The following WDR7 variants were observed in gnomAD, a reference collection of about 807,000 sequenced individuals.
WDR7 encodes WD repeat domain 7, also known as WD repeat-containing protein 7.
WDR7 carries 46 observed loss-of-function variants against 169.4 expected under a neutral mutation model. The observed-to-expected ratio is 0.27, with a 90% CI of 0.21 to 0.35. The LOEUF (loss-of-function observed/expected upper bound fraction) is 0.35, where lower values mean the gene tolerates loss of function less well. Among genes scored for constraint, WDR7 ranks in the 10% least tolerant of loss-of-function variants. WDR7 has a pLI of 1.00. For missense variants in WDR7, 1,534 were observed against 1,859.3 expected (o/e 0.83, Z 3.22); for synonymous variants, 612 against 666.8 (o/e 0.92, Z 1.27).
chr18:56,671,932 A>G (rs1193661316), intron 1 of WDR7, among the ~76,000 whole-genome samples: 1 of 152,218 alleles, frequency 6.6e-6, no homozygotes, highest in Non-Finnish European at 1.5e-5. Context: ...GTAGTGGTAC[A>G]GTACAGTCTG....
chr18:56,726,212 G>A (rs1002891710), intron 13 of WDR7, among the ~76,000 whole-genome samples: 3 of 152,128 alleles, frequency 2.0e-5, no homozygotes, highest in African/African-American at 7.2e-5. Flanking sequence ...GCTTGATGGG[G>A]ATGGCATTGA....
intron 19 of WDR7, among the ~76,000 whole-genome samples, chr18:56,792,497 C>T (rs752547161): frequency 1.5e-4 from 23 of 151,788 alleles, no homozygotes; most frequent in Non-Finnish European, 2.4e-4. Context: ...AGGAGGGGAG[C>T]GAATAAATCC....
intron 19 of WDR7, among the ~76,000 whole-genome samples, chr18:56,798,918 C>G: frequency 6.6e-6 from 1 of 152,146 alleles, no homozygotes; most frequent in Admixed American, 6.5e-5. Context: ...AGTAAATGTC[C>G]TGATCAATGT....
intron 18 of WDR7, among the ~76,000 whole-genome samples, chr18:56,780,294 A>G (rs73958317): frequency 0.038 from 5,816 of 152,282 alleles, 373 homozygotes; most frequent in African/African-American, 0.13. Context: ...TTCGACCTGT[A>G]TAGCCATAGC....
intron 19 of WDR7, among the ~76,000 whole-genome samples, chr18:56,803,109 ACTT>A (rs1202204199): frequency 1.3e-5 from 2 of 152,122 alleles, no homozygotes; most frequent in African/African-American, 4.8e-5. Flanking sequence ...CATATATAAC[ACTT>A]CTTATGAGTT....
chr18:56,765,196 A>G (rs888349022), intron 16 of WDR7, among the ~76,000 whole-genome samples: 1 of 151,914 alleles, frequency 6.6e-6, no homozygotes. Flanking sequence ...ATCCAATCTG[A>G]CCTGCTTTTT....
intron 21 of WDR7, among the ~76,000 whole-genome samples, chr18:56,888,164 G>A (rs558913037): frequency 6.6e-6 from 1 of 152,168 alleles, no homozygotes; most frequent in Non-Finnish European, 1.5e-5. Flanking sequence ...ACATTGATGG[G>A]AGGAAGGAAT....
rs58249903 is a variant in WDR7, at chr18:57,024,742, A to G, written c.4270-2262A>G. 2.0e-3 allele frequency among the ~76,000 whole-genome samples: 239 copies of G among 117,972 alleles called. 13 individuals carry two copies. Among genetic ancestry groups the G allele is most frequent in the Middle Eastern group, 4.0e-3 (1 of 250 alleles). 77.4% of individuals were successfully genotyped at this position (117,972 alleles called of 152,430 possible). On this transcript the variant is annotated intron_variant, in intron 27 of 27. Coordinates refer to ENST00000254442, the MANE Select transcript of WDR7 (RefSeq NM_015285.3). ...GGATTTCACATATCCCTATTCTCAG[A>G]CAGGAATAGGGATATGTGAGCTATG... is the stretch of plus-strand genomic sequence containing the variant.
intron 26 of WDR7, among the ~76,000 whole-genome samples, chr18:56,990,683 AAATGTTT>A (rs1162567892): frequency 6.6e-6 from 1 of 152,204 alleles, no homozygotes; most frequent in Non-Finnish European, 1.5e-5. Context: ...GAGTTGATGT[AAATGTTT>A]ATATTACTAA....
At chr18:56,711,013 ATTTTAGTTTTTT>A in intron 12 of WDR7, among the ~76,000 whole-genome samples, 1 of 150,540 alleles carries the variant, frequency 6.6e-6, no homozygotes, top group East Asian at 2.0e-4. Context: ...TTCTAAAAGG[ATTTTAGTTTTTT>A]TTTTTAAAAG....
Position 56,916,338 on chromosome 18 carries a change from A to G in WDR7, c.3527-7584A>G, listed in dbSNP as rs568598911. Among the ~76,000 whole-genome samples the G allele has an allele frequency of 4.0e-5, 6 of 148,882 alleles. No individual in the cohort carries two copies. In the South Asian group the frequency reaches 6.4e-4, roughly 16 times the overall value. ...TGTGTCCAAGTGTTCTCATTGTTCA[A>G]TTCCCACCTATGAGTGAGAACATGC... On this transcript the variant is annotated intron_variant, in intron 21 of 27. Transcript: ENST00000254442.
intron 2 of WDR7, among the ~76,000 whole-genome samples, chr18:56,675,022 T>C (rs541526747): frequency 4.6e-5 from 7 of 152,370 alleles, no homozygotes; most frequent in Non-Finnish European, 7.4e-5. Flanking sequence ...TTCTATTTTA[T>C]GGTTCTTTGT....
At chr18:56,778,021 T>C (rs949371861) in intron 17 of WDR7, among the ~76,000 whole-genome samples, 2 of 152,218 alleles carry the variant, frequency 1.3e-5, no homozygotes, top group Non-Finnish European at 2.9e-5. Flanking sequence ...TTTATACTTA[T>C]ATGAAACATT....
chr18:56,668,510 G>A (rs913362051), intron 1 of WDR7, among the ~76,000 whole-genome samples: 1 of 152,116 alleles, frequency 6.6e-6, no homozygotes, highest in Admixed American at 6.6e-5. Context: ...AGCCCCACTG[G>A]ATAGCTGAAT....
Position 56,776,858 on chromosome 18 carries a change from T to A in WDR7, c.2925T>A (p.His975Gln), listed in dbSNP as rs1248512676. The change falls in exon 17 of 28, where the codon CAT (histidine) becomes CAA (glutamine). Residue 975 changes from histidine to glutamine, a missense_variant. Physicochemically the swap from His to Gln is conservative, Grantham distance 24. Coordinates refer to ENST00000254442, the MANE Select transcript of WDR7 (RefSeq NM_015285.3). ...GSDPPSAPAL[H>Q]TCFLVNEGWS... is the part of the protein sequence containing the mutation. Reference sequence around the variant, plus strand: ...ACCCTCCTTCTGCTCCTGCTTTACATACCTGTTTCTTAGTAAATGAAGGTA... The same window carrying A: ...ACCCTCCTTCTGCTCCTGCTTTACAAACCTGTTTCTTAGTAAATGAAGGTA... 6 of 1,613,808 alleles carry A rather than the reference T, an allele frequency of 3.7e-6. No homozygotes were observed. In the East Asian group the frequency reaches 1.1e-4, roughly 30 times the overall value.
intron 12 of WDR7, among the ~76,000 whole-genome samples, chr18:56,702,974 C>A (rs1237281228): frequency 1.3e-5 from 2 of 152,118 alleles, no homozygotes; most frequent in Non-Finnish European, 2.9e-5. Context: ...TGTTTAGTAC[C>A]AGTGATATGT....
At chr18:56,787,859 A>T (rs1256417196) in intron 19 of WDR7, among the ~76,000 whole-genome samples, 2 of 152,216 alleles carry the variant, frequency 1.3e-5, no homozygotes, top group Non-Finnish European at 2.9e-5. Context: ...GCTAGTAAAA[A>T]TAGTTTAAAT....
At chr18:56,762,810 G>T (rs943767338) in intron 16 of WDR7, among the ~76,000 whole-genome samples, 1 of 148,032 alleles carries the variant, frequency 6.8e-6, no homozygotes. Context: ...TTTTTGTTTT[G>T]TTTTGTTTTT....
intron 20 of WDR7, among the ~76,000 whole-genome samples, chr18:56,816,828 G>C (rs1270860792): frequency 6.6e-6 from 1 of 152,060 alleles, no homozygotes; most frequent in Non-Finnish European, 1.5e-5. Context: ...TTGGTATTAA[G>C]AATAATAAGC....
Sources: allele counts gnomAD v4.1 joint callset (sites outside exome capture counted in the v4.1 genomes callset), GRCh38; gene constraint gnomAD v4.1.1; transcripts MANE v1.5; gene names NCBI Gene and HGNC (gene_info 2026-07-23, HGNC 2026-07-21).